MAF: variants seen among roughly 807,000 people sequenced by gnomAD.
The protein encoded by MAF is MAF bZIP transcription factor.
In MAF, 10 loss-of-function variants were observed where a neutral mutation model predicts 22.0. That is an observed-to-expected ratio of 0.45 (90% CI 0.28 to 0.77). The LOEUF is 0.77. MAF is among the 30% of genes least tolerant of loss of function. MAF has a pLI of 0.12. For synonymous variants in MAF, 337 were observed against 255.8 expected (o/e 1.32, Z -3.03); for missense variants, 544 against 548.4 (o/e 0.99, Z 0.08).
At chr16:79,325,604 CACACACACACACACACACACACACAGA>C in the MAF span, among the ~76,000 whole-genome samples, 1 of 115,652 alleles carries the variant, frequency 8.6e-6, no homozygotes, top group Non-Finnish European at 1.9e-5. Context: ...CACAAACACA[CACACACACACACACACACACACACAGA>C]ACACACACAC....
At chr16:79,540,527 G>A in the MAF span, among the ~76,000 whole-genome samples, 6 of 152,244 alleles carry the variant, frequency 3.9e-5, no homozygotes, top group East Asian at 1.2e-3. Flanking sequence ...CATCACAGGG[G>A]CTTCCTCTCC....
At chr16:79,519,581 G>A in the MAF span, among the ~76,000 whole-genome samples, 3 of 152,152 alleles carry the variant, frequency 2.0e-5, no homozygotes, top group African/African-American at 4.8e-5. Context: ...GTTCCTTATC[G>A]CTTGTCATCG....
At chr16:79,341,844 C>T in the MAF span, among the ~76,000 whole-genome samples, 1 of 152,100 alleles carries the variant, frequency 6.6e-6, no homozygotes, top group Non-Finnish European at 1.5e-5. Flanking sequence ...GAGACTCATC[C>T]TGCAGAGAAA....
chr16:79,358,555 G>A, the MAF span, among the ~76,000 whole-genome samples: 2 of 152,172 alleles, frequency 1.3e-5, no homozygotes, highest in African/African-American at 2.4e-5. Context: ...GATGGGAGGC[G>A]TGAGACTGCA....
chr16:79,315,776 T>G, the MAF span, among the ~76,000 whole-genome samples: 1 of 152,246 alleles, frequency 6.6e-6, no homozygotes, highest in South Asian at 2.1e-4. Context: ...AATCCAGAGC[T>G]GTCCTACTCC....
the MAF span, among the ~76,000 whole-genome samples, chr16:79,213,581 C>G: frequency 1.3e-5 from 2 of 152,188 alleles, no homozygotes; most frequent in African/African-American, 2.4e-5. Context: ...GCTTGCCTTT[C>G]CTTGTTGATC....
chr16:79,246,356 T>C, the MAF span, among the ~76,000 whole-genome samples: 425 of 152,246 alleles, frequency 2.8e-3, 7 homozygotes, highest in African/African-American at 9.6e-3. Context: ...GACTCTCTCA[T>C]TGCTTGAACA....
At chr16:79,481,352 C>T in the MAF span, among the ~76,000 whole-genome samples, 322 of 152,096 alleles carry the variant, frequency 2.1e-3, 1 homozygote, top group Non-Finnish European at 3.4e-3. Flanking sequence ...GCGACCATCA[C>T]CCTACTCTAA....
At chr16:79,362,218 C>A in the MAF span, among the ~76,000 whole-genome samples, 1 of 152,198 alleles carries the variant, frequency 6.6e-6, no homozygotes, top group East Asian at 1.9e-4. Context: ...ATGCCTTGAA[C>A]ATAGTCAGTG....
At chr16:79,394,750 T>C in the MAF span, among the ~76,000 whole-genome samples, 1 of 152,228 alleles carries the variant, frequency 6.6e-6, no homozygotes, top group Admixed American at 6.5e-5. Flanking sequence ...CAGACACTCC[T>C]ACTCCAATTT....
the MAF span, among the ~76,000 whole-genome samples, chr16:79,445,952 G>C: frequency 6.6e-6 from 1 of 152,150 alleles, no homozygotes; most frequent in African/African-American, 2.4e-5. Flanking sequence ...TCTTATTAAA[G>C]GGGACTTAAT....
At chr16:79,482,137 G>C in the MAF span, among the ~76,000 whole-genome samples, 1 of 152,216 alleles carries the variant, frequency 6.6e-6, no homozygotes, top group African/African-American at 2.4e-5. Flanking sequence ...CCTTATTAAA[G>C]AGACTCAACT....
chr16:79,502,989 A>T, the MAF span, among the ~76,000 whole-genome samples: 1 of 151,954 alleles, frequency 6.6e-6, no homozygotes, highest in East Asian at 1.9e-4. Flanking sequence ...ATCAGCTTTT[A>T]TCAAAGGAAT....
the MAF span, among the ~76,000 whole-genome samples, chr16:79,438,429 G>A: frequency 1.3e-5 from 2 of 152,166 alleles, no homozygotes; most frequent in South Asian, 2.1e-4. Context: ...AAGAGACAGC[G>A]CCCGGCTTCA....
At chr16:79,540,638 T>C in the MAF span, among the ~76,000 whole-genome samples, 1 of 152,172 alleles carries the variant, frequency 6.6e-6, no homozygotes, top group African/African-American at 2.4e-5. Context: ...GGGTGTCTGC[T>C]TCCCGGTGCA....
chr16:79,480,423 T>G, the MAF span, among the ~76,000 whole-genome samples: 1 of 151,982 alleles, frequency 6.6e-6, no homozygotes, highest in African/African-American at 2.4e-5. Flanking sequence ...TGACCCAGAT[T>G]GAGACAAGCA....
the MAF span, among the ~76,000 whole-genome samples, chr16:79,561,465 C>T: frequency 5.6e-5 from 8 of 141,936 alleles, no homozygotes; most frequent in South Asian, 2.5e-4. Context: ...ATCCCTCCCC[C>T]CTCCCCTCAC....
chr16:79,437,142 CTCTCTG>C, the MAF span, among the ~76,000 whole-genome samples: 10 of 39,354 alleles, frequency 2.5e-4, no homozygotes, highest in East Asian at 3.4e-3. Flanking sequence ...AGCTCTCTCT[CTCTCTG>C]TGTGTGTGTG....
chr16:79,445,387 GTTGT>G, the MAF span, among the ~76,000 whole-genome samples: 2 of 152,146 alleles, frequency 1.3e-5, 1 homozygote, highest in South Asian at 4.1e-4. Context: ...AGAAGCACAG[GTTGT>G]TTGTTTGTTT....
Sources: gnomAD v4.1 joint callset for allele counts (sites outside exome capture counted in the v4.1 genomes callset) on GRCh38, gnomAD v4.1.1 for gene constraint, MANE v1.5 for transcripts, NCBI Gene and HGNC (gene_info 2026-07-23, HGNC 2026-07-21) for gene names.